NT5DC3: variants seen among roughly 807,000 people sequenced by gnomAD.
The protein encoded by NT5DC3 is 5'-nucleotidase domain-containing protein 3.
NT5DC3 carries 42 observed loss-of-function variants against 67.8 expected under a neutral mutation model. The ratio of observed to expected loss-of-function variants is 0.62; its 90% CI spans 0.48 to 0.80. The LOEUF (loss-of-function observed/expected upper bound fraction) is 0.80. Ranked by LOEUF, NT5DC3 falls within the 30% of genes least tolerant of loss-of-function variation. NT5DC3 has a pLI of 0.00. For missense variants in NT5DC3, 570 were observed against 696.4 expected (o/e 0.82, Z 2.04); for synonymous variants, 237 against 255.6 (o/e 0.93, Z 0.69).
rs377334056 is a variant in NT5DC3, at chr12:103,780,345, G to A, written c.1349C>T (p.Ser450Leu). ...TTTCCACTCCTGCAAAACCAGCTGT[G>A]ACTCAGCATCTCTGTGAACCTGTAG... The part of the protein sequence containing the change: ...EQMQVHRDAE[S>L]QLVLQEWKKE... Residue 450 changes from serine (S) to leucine (L), a missense_variant, in exon 13 of 14, where the codon TCA becomes TTA. Coordinates refer to ENST00000392876, the MANE Select transcript of NT5DC3 (RefSeq NM_001031701.3). 3 of 1,614,070 alleles carry A rather than the reference G, an allele frequency of 1.9e-6. No homozygotes were observed. Among genetic ancestry groups the A allele is most frequent in the Non-Finnish European group, 1.7e-6 (2 of 1,179,952 alleles).
the NT5DC3 span, among the ~76,000 whole-genome samples, chr12:103,753,022 A>G: frequency 2.0e-5 from 3 of 152,244 alleles, no homozygotes; most frequent in Non-Finnish European, 4.4e-5. Context: ...AATTTCTACA[A>G]TGAACATATG....
At chr12:103,835,498 G>C (rs996359486) in intron 1 of NT5DC3, among the ~76,000 whole-genome samples, 1 of 152,090 alleles carries the variant, frequency 6.6e-6, no homozygotes, top group African/African-American at 2.4e-5. Flanking sequence ...AAGCCAGGAG[G>C]GATTTGGTGA....
chr12:103,829,047 A>T (rs1365457075), intron 1 of NT5DC3, among the ~76,000 whole-genome samples: 1 of 152,126 alleles, frequency 6.6e-6, no homozygotes, highest in African/African-American at 2.4e-5. Flanking sequence ...TGTCCCTACA[A>T]GTAATCTATA....
chr12:103,803,161 T>C (rs2139378442), intron 4 of NT5DC3, among the ~76,000 whole-genome samples: 1 of 152,288 alleles, frequency 6.6e-6, no homozygotes, highest in Admixed American at 6.5e-5. Context: ...CCCTCACCAC[T>C]GCAACAATAA....
chr12:103,800,530 A>G (rs992254878), intron 4 of NT5DC3, among the ~76,000 whole-genome samples: 1 of 152,264 alleles, frequency 6.6e-6, no homozygotes, highest in Admixed American at 6.5e-5. Context: ...CCTCTAAGGC[A>G]CAGGCACAGC....
At chr12:103,821,125 C>T (rs1887473209) in intron 1 of NT5DC3, among the ~76,000 whole-genome samples, 1 of 152,218 alleles carries the variant, frequency 6.6e-6, no homozygotes, top group Non-Finnish European at 1.5e-5. Context: ...ACAGGCACTA[C>T]AACATGAAGT....
chr12:103,812,032 CCCCT>C (rs1368852947), intron 2 of NT5DC3, among the ~76,000 whole-genome samples: 1 of 151,810 alleles, frequency 6.6e-6, no homozygotes, highest in Non-Finnish European at 1.5e-5. Flanking sequence ...GAGCTCTCTA[CCCCT>C]CCCTTTCTAT....
the NT5DC3 span, among the ~76,000 whole-genome samples, chr12:103,756,993 G>GAAAAAAAAAAA: frequency 6.5e-5 from 1 of 15,270 alleles, no homozygotes; most frequent in Non-Finnish European, 1.1e-4. Context: ...CAGAAGGAGG[G>GAAAAAAAAAAA]AAAATATATA....
intron 6 of NT5DC3, 83 bp downstream of exon 6, chr12:103,796,811 A>T: frequency 4.9e-6 from 7 of 1,438,908 alleles, no homozygotes; most frequent in Non-Finnish European, 6.8e-6. Context: ...CACCTAACCT[A>T]GAAAGGAGGT....
At chr12:103,755,319 C>G in the NT5DC3 span, 1 of 1,613,932 alleles carries the variant, frequency 6.2e-7, no homozygotes, top group Admixed American at 1.7e-5. Flanking sequence ...ACCACCTGTG[C>G]TCAGCAGGCT....
the NT5DC3 span, chr12:103,761,209 C>T: frequency 2.5e-6 from 3 of 1,201,372 alleles, no homozygotes; most frequent in African/African-American, 4.5e-5. Flanking sequence ...AACATGGGCT[C>T]AGGGGCCTTG....
In NT5DC3 at chr12:103,796,972, G is replaced by A. The variant is rs1201801110; in HGVS notation, c.675C>T (p.Thr225=). The part of the protein sequence containing the change: ...FMDIFSLPEM[T]LLSCVNEYFL... Reference sequence around the variant, plus strand: ...AGTATTCATTCACGCAGGACAGGAGGGTCATCTCGGGCAGGGAGAAGATGT... The same window carrying A: ...AGTATTCATTCACGCAGGACAGGAGAGTCATCTCGGGCAGGGAGAAGATGT... The change falls in exon 6 of 14, where the codon ACC becomes ACT. Residue 225 remains threonine (T), a synonymous_variant. Transcript: ENST00000392876. 6.2e-7 allele frequency: 1 copy of A among 1,613,912 alleles called. No individual in the cohort carries two copies. The highest frequency in any genetic ancestry group is 2.2e-5 in the East Asian group (1 of 44,880).
chr12:103,751,632 G>A, the NT5DC3 span, among the ~76,000 whole-genome samples: 1 of 152,170 alleles, frequency 6.6e-6, no homozygotes, highest in African/African-American at 2.4e-5. Context: ...TGCACAGCTG[G>A]GACCAGCTGA....
chr12:103,793,072 AT>A lies in NT5DC3; in HGVS notation c.1019+91del, dbSNP rs1306096605. ...AAAGCTATAATCTCACATGCTTATGATTTTGCAACTGGATTTTACCAAGACA... is the reference window on the plus strand; with the variant it reads ...AAAGCTATAATCTCACATGCTTATGATTTGCAACTGGATTTTACCAAGACA... On this transcript the variant is annotated intron_variant, in intron 9 of 13. Coordinates refer to ENST00000392876, the MANE Select transcript of NT5DC3 (RefSeq NM_001031701.3). The A allele has an allele frequency of 3.4e-6, 3 of 888,012 alleles. No individual in the cohort carries two copies. The African/African-American group carries it at 5.1e-5, about 15-fold the overall frequency. The allele number at this position is 888,012 out of a possible 1,614,324, so 55.0% of individuals were successfully genotyped here.
chr12:103,758,250 C>G, the NT5DC3 span: 3 of 1,614,054 alleles, frequency 1.9e-6, no homozygotes, highest in East Asian at 2.2e-5. Context: ...TCCGCGGCAC[C>G]CTCTTTGTGC....
rs535748923 is a variant in NT5DC3 at position 103,808,061 on chromosome 12, C to T, written c.394-1132G>A. Among the ~76,000 whole-genome samples the T allele has an allele frequency of 3.7e-4, 56 of 152,318 alleles. No homozygotes were observed. In the South Asian group the frequency reaches 8.3e-3, roughly 23 times the overall value. ...CCATTCCTCACACTATGCAAAATTG[C>T]TGGCTCCTCCTTATCTACTGCACCA... On this transcript the variant is annotated intron_variant, in intron 2 of 13. Transcript: ENST00000392876.
intron 12 of NT5DC3, among the ~76,000 whole-genome samples, 153 bp from the exon 13 acceptor site, chr12:103,780,517 C>T (rs150006126): frequency 4.9e-4 from 74 of 152,286 alleles, no homozygotes; most frequent in African/African-American, 1.6e-3. Context: ...ATTTTTCAGA[C>T]CTTCCAGTTG....
At chr12:103,826,306 G>A (rs924047018) in intron 1 of NT5DC3, among the ~76,000 whole-genome samples, 1 of 152,214 alleles carries the variant, frequency 6.6e-6, no homozygotes, top group African/African-American at 2.4e-5. Context: ...TACATGGCAA[G>A]GGAGAATTAA....
the NT5DC3 span, chr12:103,758,420 G>A: frequency 2.1e-6 from 3 of 1,454,176 alleles, no homozygotes; most frequent in South Asian, 1.3e-5. Context: ...CTGCAGATCA[G>A]TTGGCCACTC....
Sources: gnomAD v4.1 joint callset for allele counts (sites outside exome capture counted in the v4.1 genomes callset) on GRCh38, gnomAD v4.1.1 for gene constraint, MANE v1.5 for transcripts, NCBI Gene and HGNC (gene_info 2026-07-23, HGNC 2026-07-21) for gene names.